FAXC: variants seen among roughly 807,000 people sequenced by gnomAD.
FAXC encodes failed axon connections homolog, metaxin like GST domain containing, also known as failed axon connections homolog.
FAXC carries 10 observed loss-of-function variants against 41.9 expected under a neutral mutation model. The observed-to-expected ratio is 0.24, with a 90% confidence interval of 0.15 to 0.41. FAXC has a LOEUF of 0.41. Ranked by LOEUF, FAXC falls within the 10% of genes least tolerant of loss-of-function variation. The pLI, the probability that FAXC is intolerant of heterozygous loss-of-function variation, is 1.00. For missense variants in FAXC, 399 were observed against 510.9 expected (o/e 0.78, Z 2.11); for synonymous variants, 183 against 183.8 (o/e 1.00, Z 0.03).
intron 1 of FAXC, among the ~76,000 whole-genome samples, chr6:99,346,831 T>G (rs1252356519): frequency 2.0e-5 from 3 of 152,218 alleles, no homozygotes; most frequent in African/African-American, 7.2e-5. Context: ...TCCTTATCTA[T>G]GAAATGAACA....
chr6:99,349,999 G>A (rs1448477504), upstream of FAXC: 1 of 152,210 alleles, frequency 6.6e-6, no homozygotes, highest in East Asian at 1.9e-4. Flanking sequence ...CCAGAGTAGG[G>A]AACGCGCAGG....
At position 99,349,566 on chromosome 6, in the gene FAXC, G is replaced by A. The variant is rs186937304; in HGVS notation, c.-194C>T. 135 of 226,002 alleles carry A rather than the reference G, an allele frequency of 6.0e-4. No individual in the cohort carries two copies. Among genetic ancestry groups the A allele is most frequent in the African/African-American group, 3.0e-3 (129 of 42,764 alleles). The allele number at this position is 226,002 out of a possible 1,614,324, so 14.0% of individuals were successfully genotyped here. On this transcript the variant is annotated 5_prime_UTR_variant, in exon 1 of 6. Transcript: ENST00000389677. Reference sequence around the variant, plus strand: ...GGAGGAAGGGCACTGGCCGCGGACGGCGGGCCTGGCCGGCGGGGCCCCAGA... The same window carrying A: ...GGAGGAAGGGCACTGGCCGCGGACGACGGGCCTGGCCGGCGGGGCCCCAGA...
chr6:99,328,118 C>G (rs1772885445), intron 3 of FAXC, among the ~76,000 whole-genome samples: 1 of 152,172 alleles, frequency 6.6e-6, no homozygotes, highest in Admixed American at 6.5e-5. Flanking sequence ...TGACCTGGCC[C>G]TTCTTGGGCC....
At chr6:99,324,110 G>C (rs1447357955) in intron 3 of FAXC, among the ~76,000 whole-genome samples, 2 of 151,982 alleles carry the variant, frequency 1.3e-5, no homozygotes, top group South Asian at 4.2e-4. Flanking sequence ...TGGTTCCACA[G>C]GTTTATGCTT....
At chr6:99,347,381 G>A (rs989208742) in intron 1 of FAXC, among the ~76,000 whole-genome samples, 5 of 145,652 alleles carry the variant, frequency 3.4e-5, no homozygotes, top group Non-Finnish European at 6.0e-5. Flanking sequence ...CAACATGGGC[G>A]ACAAAGCGAG....
intron 1 of FAXC, among the ~76,000 whole-genome samples, chr6:99,347,337 G>A (rs558477661): frequency 6.6e-6 from 1 of 151,954 alleles, no homozygotes; most frequent in Non-Finnish European, 1.5e-5. Flanking sequence ...GGGAGGTGGA[G>A]GTTGCAATGA....
chr6:99,309,010 T>C (rs147041661), intron 4 of FAXC, among the ~76,000 whole-genome samples: 81 of 152,332 alleles, frequency 5.3e-4, no homozygotes, highest in Admixed American at 2.0e-4. Flanking sequence ...TAATTCCTCC[T>C]GAATTGTATC....
Position 99,323,452 on chromosome 6 carries a change from C to G in FAXC, c.815G>C (p.Gly272Ala), listed in dbSNP as rs1248061264. 17 of 1,613,992 alleles carry G rather than the reference C, an allele frequency of 1.1e-5. No homozygotes were observed. Among genetic ancestry groups the G allele is most frequent in the Non-Finnish European group, 1.4e-5 (16 of 1,179,914 alleles). Reference sequence around the variant, plus strand: ...AAGGTGTGGTACATTACCCAAAAGCCCTGCTAAAGACCGCATGTCCTTCTC... The same window carrying G: ...AAGGTGTGGTACATTACCCAAAAGCGCTGCTAAAGACCGCATGTCCTTCTC... ...LMEKDMRSLA[G>A]LLGDKKYIMG... The change falls in exon 4 of 6, where the codon GGG becomes GCG. Residue 272 changes from glycine (G) to alanine (A), a missense_variant. Gly to Ala is a moderately conservative substitution (Grantham distance 60, BLOSUM62 0). Coordinates refer to ENST00000389677, the MANE Select transcript of FAXC (RefSeq NM_032511.4).
At chr6:99,291,616 G>T in intron 5 of FAXC, 88 bp downstream of exon 5, 1 of 917,198 alleles carries the variant, frequency 1.1e-6, no homozygotes, top group Non-Finnish European at 1.8e-6. Flanking sequence ...CAAGACGAAA[G>T]CATTGGTCTA....
chr6:99,303,445 T>C (rs1771790506), intron 4 of FAXC, among the ~76,000 whole-genome samples: 1 of 152,248 alleles, frequency 6.6e-6, no homozygotes, highest in Admixed American at 6.5e-5. Flanking sequence ...CTCCAGGGTC[T>C]AGAACTCTGG....
At chr6:99,289,661 ATATG>A (rs1771154833) in intron 5 of FAXC, among the ~76,000 whole-genome samples, 1 of 144,128 alleles carries the variant, frequency 6.9e-6, no homozygotes, top group African/African-American at 2.7e-5. Context: ...ATTAAAATAT[ATATG>A]TATATGTAAA....
chr6:99,301,677 G>A (rs892915551), intron 4 of FAXC, among the ~76,000 whole-genome samples: 1 of 152,124 alleles, frequency 6.6e-6, no homozygotes, highest in Admixed American at 6.5e-5. Flanking sequence ...AATCAGAATG[G>A]CTAATAATAA....
chr6:99,338,964 G>A (rs1471059525), intron 2 of FAXC, among the ~76,000 whole-genome samples: 1 of 152,122 alleles, frequency 6.6e-6, no homozygotes, highest in Non-Finnish European at 1.5e-5. Flanking sequence ...TGGACTCGGT[G>A]CCACTTCACC....
At chr6:99,341,949 T>C (rs1773443070) in intron 2 of FAXC, among the ~76,000 whole-genome samples, 1 of 152,100 alleles carries the variant, frequency 6.6e-6, no homozygotes, top group African/African-American at 2.4e-5. Flanking sequence ...TAGAACTTGG[T>C]TAAAAATAAA....
At chr6:99,313,596 A>G (rs528673222) in intron 4 of FAXC, among the ~76,000 whole-genome samples, 1 of 152,246 alleles carries the variant, frequency 6.6e-6, no homozygotes, top group African/African-American at 2.4e-5. Context: ...GTTTCACCCT[A>G]TGGCACCATG....
At chr6:99,292,515 A>G (rs1771285688) in intron 4 of FAXC, among the ~76,000 whole-genome samples, 1 of 152,162 alleles carries the variant, frequency 6.6e-6, no homozygotes, top group Non-Finnish European at 1.5e-5. Context: ...CAACCTATTA[A>G]AACTGACCCA....
Position 99,276,530 on chromosome 6 carries a change from T to C in FAXC, c.*4634A>G, listed in dbSNP as rs1770629945. 1 of 152,216 alleles carries C rather than the reference T, an allele frequency of 6.6e-6. No homozygotes were observed. The highest frequency in any genetic ancestry group is 1.5e-5 in the Non-Finnish European group (1 of 68,030). The allele number at this position is 152,216 out of a possible 1,614,324, so 9.4% of individuals were successfully genotyped here. A position where few individuals can be genotyped will look rare whatever the true frequency, so the allele number is the denominator to read the frequency against. On this transcript the variant is annotated 3_prime_UTR_variant, in exon 6 of 6. Coordinates refer to ENST00000389677, the MANE Select transcript of FAXC (RefSeq NM_032511.4). ...ACCTCTAAAACAAAATTTTCTCAAA[T>C]AACCTAAGAGCACTTCTTTCTTCTT...
At position 99,342,889 on chromosome 6, in the gene FAXC, C is replaced by A. The variant is rs534750559; in HGVS notation, c.402+9G>T. On this transcript the variant is annotated intron_variant, in intron 2 of 5. Coordinates refer to ENST00000389677, the MANE Select transcript of FAXC (RefSeq NM_032511.4). ...GTCATAAAAAGAAAACATATTTGCA[C>A]ACAAGTACCTGATACGGTAAGTCAG... The A allele has an allele frequency of 6.3e-7, 1 of 1,587,686 alleles. No homozygotes were observed. The highest frequency in any genetic ancestry group is 1.2e-5 in the South Asian group (1 of 85,426).
chr6:99,337,577 GGA>G (rs1216039149), intron 2 of FAXC, among the ~76,000 whole-genome samples: 1 of 152,046 alleles, frequency 6.6e-6, no homozygotes. Context: ...ATTTTTCTAA[GGA>G]CCATATATCA....
Sources: allele counts gnomAD v4.1 joint callset (sites outside exome capture counted in the v4.1 genomes callset), GRCh38; gene constraint gnomAD v4.1.1; transcripts MANE v1.5; gene names NCBI Gene and HGNC (gene_info 2026-07-23, HGNC 2026-07-21).